The following CNOT2 variants were observed in gnomAD, a reference collection of about 807,000 sequenced individuals.
CNOT2 encodes CCR4-NOT transcription complex subunit 2, also known as CC chemokine receptor 4-negative regulator of transcription 2.
A neutral mutation model predicts 72.1 loss-of-function variants in CNOT2; 7 were observed. The ratio of observed to expected loss-of-function variants is 0.10; its 90% CI spans 0.06 to 0.18. The LOEUF is 0.18. Among genes scored for constraint, CNOT2 ranks in the 10% least tolerant of loss-of-function variants. CNOT2 has a pLI of 1.00. For missense variants in CNOT2, 345 were observed against 660.3 expected (o/e 0.52, Z 5.23); for synonymous variants, 196 against 225.6 (o/e 0.87, Z 1.17).
At chr12:70,244,555 A>G (rs1957783157) in intron 1 of CNOT2, among the ~76,000 whole-genome samples, 1 of 152,174 alleles carries the variant, frequency 6.6e-6, no homozygotes, top group Non-Finnish European at 1.5e-5. Context: ...AAAGTCTTAC[A>G]TTAAGGGTAC....
chr12:70,305,163 G>A (rs975847131), intron 2 of CNOT2, among the ~76,000 whole-genome samples: 6 of 152,176 alleles, frequency 3.9e-5, no homozygotes, highest in African/African-American at 7.2e-5. Flanking sequence ...CGCATGGTGC[G>A]CCGCACCCAC....
At chr12:70,289,806 A>G (rs1871558778) in intron 2 of CNOT2, among the ~76,000 whole-genome samples, 1 of 151,880 alleles carries the variant, frequency 6.6e-6, no homozygotes, top group Non-Finnish European at 1.5e-5. Flanking sequence ...AATAGAAACT[A>G]TGTCTGTTTC....
chr12:70,247,339 A>T (rs983582590), intron 1 of CNOT2, among the ~76,000 whole-genome samples: 1 of 152,090 alleles, frequency 6.6e-6, no homozygotes, highest in Non-Finnish European at 1.5e-5. Flanking sequence ...TATTTTCAGT[A>T]GAGACAGGGT....
At chr12:70,271,218 G>C (rs1959210010) in intron 1 of CNOT2, among the ~76,000 whole-genome samples, 1 of 151,902 alleles carries the variant, frequency 6.6e-6, no homozygotes, top group Non-Finnish European at 1.5e-5. Context: ...AACACCTATT[G>C]GGGAAAGAGG....
chr12:70,249,123 G>C (rs1415764593), intron 1 of CNOT2, among the ~76,000 whole-genome samples: 1 of 151,958 alleles, frequency 6.6e-6, no homozygotes, highest in Non-Finnish European at 1.5e-5. Context: ...CAATGTGTTT[G>C]AGAGAGGAGC....
intron 4 of CNOT2, among the ~76,000 whole-genome samples, chr12:70,324,809 T>G (rs2136003940): frequency 6.6e-6 from 1 of 152,014 alleles, no homozygotes; most frequent in Non-Finnish European, 1.5e-5. Flanking sequence ...TAACTTGTCC[T>G]CATTTTCATA....
At chr12:70,304,319 C>A (rs544932955) in intron 2 of CNOT2, among the ~76,000 whole-genome samples, 3 of 151,492 alleles carry the variant, frequency 2.0e-5, no homozygotes, top group African/African-American at 7.2e-5. Context: ...TGTTTTTTCC[C>A]CATCTTTGTG....
intron 2 of CNOT2, among the ~76,000 whole-genome samples, chr12:70,291,341 A>T (rs538957479): frequency 6.6e-6 from 1 of 152,228 alleles, no homozygotes; most frequent in African/African-American, 2.4e-5. Context: ...TTTTCAAGGA[A>T]AAAGGAAAGA....
chr12:70,317,480 C>G (rs1459890683), intron 3 of CNOT2, among the ~76,000 whole-genome samples: 4 of 151,746 alleles, frequency 2.6e-5, no homozygotes, highest in Non-Finnish European at 1.5e-5. Flanking sequence ...AAGAACTTAT[C>G]AGGCATCTTT....
At chr12:70,302,762 G>C (rs1278917859) in intron 2 of CNOT2, among the ~76,000 whole-genome samples, 1 of 152,182 alleles carries the variant, frequency 6.6e-6, no homozygotes, top group Non-Finnish European at 1.5e-5. Flanking sequence ...TTCAATTCCT[G>C]GATATCCTTG....
chr12:70,243,991 T>G (rs1302423513), intron 1 of CNOT2: 5 of 152,284 alleles, frequency 3.3e-5, no homozygotes, highest in Non-Finnish European at 5.9e-5. Flanking sequence ...TGTCTGTGGC[T>G]TCTTACCTTC....
intron 2 of CNOT2, among the ~76,000 whole-genome samples, chr12:70,289,128 T>A (rs1284928269): frequency 1.3e-5 from 2 of 151,946 alleles, no homozygotes; most frequent in African/African-American, 4.8e-5. Context: ...GATTAAAAAA[T>A]TTTTTTTCTA....
intron 1 of CNOT2, among the ~76,000 whole-genome samples, chr12:70,264,711 G>A (rs1958939705): frequency 1.3e-5 from 2 of 152,266 alleles, no homozygotes; most frequent in Admixed American, 1.3e-4. Flanking sequence ...CAGGGAGAGA[G>A]CCCTGTCTTG....
chr12:70,300,383 A>T (rs1209307560), intron 2 of CNOT2, among the ~76,000 whole-genome samples: 2 of 152,134 alleles, frequency 1.3e-5, no homozygotes, highest in African/African-American at 4.8e-5. Context: ...ATCTATCTTG[A>T]ATTAATTTTT....
At chr12:70,265,413 T>G (rs1958995520) in intron 1 of CNOT2, among the ~76,000 whole-genome samples, 1 of 151,980 alleles carries the variant, frequency 6.6e-6, no homozygotes, top group African/African-American at 2.4e-5. Flanking sequence ...GAGGAATAGG[T>G]GCATTTCATC....
intron 2 of CNOT2, among the ~76,000 whole-genome samples, chr12:70,288,300 T>A (rs1168783308): frequency 6.6e-6 from 1 of 151,914 alleles, no homozygotes; most frequent in African/African-American, 2.4e-5. Flanking sequence ...CCTGCCACCA[T>A]GTTCAGCTAA....
chr12:70,319,217 A>C, intron 3 of CNOT2, 81 bp from the exon 4 acceptor site: 1 of 1,112,584 alleles, frequency 9.0e-7, no homozygotes, highest in Non-Finnish European at 1.3e-6. Flanking sequence ...CATTTATGGT[A>C]TGATTTACAG....
chr12:70,313,483 T>C (rs1054166777), intron 3 of CNOT2, among the ~76,000 whole-genome samples: 4 of 152,104 alleles, frequency 2.6e-5, no homozygotes, highest in African/African-American at 9.6e-5. Context: ...GTTTTGTTCT[T>C]CACATATAAT....
At chr12:70,271,298 G>A (rs1041653355) in intron 1 of CNOT2, among the ~76,000 whole-genome samples, 11 of 150,718 alleles carry the variant, frequency 7.3e-5, no homozygotes, top group African/African-American at 2.4e-4. Flanking sequence ...GCCAGGATTG[G>A]TTTAAATGCC....
Sources: allele counts gnomAD v4.1 joint callset (sites outside exome capture counted in the v4.1 genomes callset), GRCh38; gene constraint gnomAD v4.1.1; transcripts MANE v1.5; gene names NCBI Gene and HGNC (gene_info 2026-07-23, HGNC 2026-07-21).